ANHX: variants seen among roughly 807,000 people sequenced by gnomAD.
The protein encoded by ANHX is anomalous homeobox, also known as anomalous homeobox protein.
A neutral mutation model predicts 38.9 loss-of-function variants in ANHX; 20 were observed. The ratio of observed to expected loss-of-function variants is 0.51; its 90% CI spans 0.36 to 0.75. The LOEUF (loss-of-function observed/expected upper bound fraction) is 0.75. Among genes scored for constraint, ANHX ranks in the 30% least tolerant of loss-of-function variants. The probability of loss-of-function intolerance (pLI) is 0.00; values close to 1 mark genes in which losing one functional copy is unlikely to be tolerated. For missense variants in ANHX, 475 were observed against 493.1 expected (o/e 0.96, Z 0.35); for synonymous variants, 185 against 203.1 (o/e 0.91, Z 0.76).
rs1372920322 is a variant in ANHX at position 133,221,942 on chromosome 12, GC to G, written c.1133-591del. ...GGCCTGAAAAGGCAGGTTTTTTCCT[GC>G]CCTGAGTCTACTAGGCTGTAAAACA... is the stretch of plus-strand genomic sequence containing the variant. On this transcript the variant is annotated intron_variant, in intron 7 of 9. Coordinates refer to ENST00000545940, the MANE Select transcript of ANHX (RefSeq NM_001372060.1). The surrounding 1 kb of genome is among the most constrained non-coding windows in gnomAD (Gnocchi z 4.1). Among the ~76,000 whole-genome samples the G allele has an allele frequency of 6.6e-6, 1 of 152,094 alleles. No homozygotes were observed. Among genetic ancestry groups the G allele is most frequent in the East Asian group, 1.9e-4 (1 of 5,172 alleles).
At chr12:133,224,865 G>C (rs1483414894) in intron 7 of ANHX, among the ~76,000 whole-genome samples, 1 of 150,756 alleles carries the variant, frequency 6.6e-6, no homozygotes, top group African/African-American at 2.4e-5. Flanking sequence ...TACTCGGGAG[G>C]CTGAGGCAGG....
chr12:133,220,389 C>CA (rs1164493256), intron 8 of ANHX, among the ~76,000 whole-genome samples: 2 of 152,190 alleles, frequency 1.3e-5, no homozygotes, highest in Non-Finnish European at 2.9e-5. Context: ...CAGCCTCTGC[C>CA]TGGTCTCAGC....
intron 9 of ANHX, 112 bp downstream of exon 9, chr12:133,219,171 T>C: frequency 9.0e-7 from 1 of 1,114,502 alleles, no homozygotes; most frequent in Non-Finnish European, 1.3e-6. Context: ...CCCTTGTTTA[T>C]CTTTGCCTGG....
chr12:133,231,553 G>T lies in ANHX; in HGVS notation c.341C>A (p.Ala114Glu). 9.1e-6 allele frequency: 14 copies of T among 1,536,074 alleles called. No individual in the cohort carries two copies. Among genetic ancestry groups the T allele is most frequent in the Non-Finnish European group, 1.2e-5 (14 of 1,146,908 alleles). The change falls in exon 3 of 10, where the codon GCG becomes GAG. Residue 114 changes from alanine (A) to glutamate (E), a missense_variant. Coordinates refer to ENST00000545940, the MANE Select transcript of ANHX (RefSeq NM_001372060.1). ...GCGGAACTTCTGCACCGGGGTGAGC[G>T]CAGCCACGCCCAGCCTCCTCATGAC... ...RLVMRRLGVA[A>E]LTPVQKFRCR...
Position 133,219,431 on chromosome 12 carries a change from C to T in ANHX, c.1281-64G>A, listed in dbSNP as rs142568621. 1,377 of 1,137,714 alleles carry T rather than the reference C, an allele frequency of 1.2e-3. 10 individuals are homozygous for T. The African/African-American group carries it at 0.018, about 15-fold the overall frequency. 70.5% of individuals were successfully genotyped at this position (1,137,714 alleles called of 1,614,324 possible). On this transcript the variant is annotated intron_variant, in intron 8 of 9. Coordinates refer to ENST00000545940, the MANE Select transcript of ANHX (RefSeq NM_001372060.1). ...GGGGACACTGGGGTGACAAAATCCA[C>T]CCAGCTGTGCTTTCTCCCTCATCAG...
At chr12:133,222,757 T>C (rs1199901166) in intron 7 of ANHX, among the ~76,000 whole-genome samples, 1 of 152,186 alleles carries the variant, frequency 6.6e-6, no homozygotes, top group African/African-American at 2.4e-5. Flanking sequence ...CAGTCCTGAC[T>C]TCAGACAGTG....
At position 133,226,743 on chromosome 12, in the gene ANHX, G is replaced by A. The variant is rs148351812; in HGVS notation, c.718+193C>T. 7.3e-3 allele frequency among the ~76,000 whole-genome samples: 1,114 copies of A among 152,264 alleles called. 9 individuals carry two copies. Among genetic ancestry groups the A allele is most frequent in the South Asian group, 0.018 (86 of 4,822 alleles). On this transcript the variant is annotated intron_variant, in intron 5 of 9. Coordinates refer to ENST00000545940, the MANE Select transcript of ANHX (RefSeq NM_001372060.1). ...ACACAGTGACCTCAAAATGCATAGG[G>A]GCAGCCACAGCCCAGCCTGGGCATC...
chr12:133,227,961 G>A lies in ANHX; in HGVS notation c.378-14C>T, dbSNP rs1336903157. The A allele has an allele frequency of 2.0e-6, 3 of 1,534,742 alleles. No individual in the cohort carries two copies. The African/African-American group carries it at 4.1e-5, about 21-fold the overall frequency. ...GGCGGGGGGTTCCTGGGTAAGGACAGTGAGGAGGTGGTAACAGACAGGACC... is the reference window on the plus strand; with the variant it reads ...GGCGGGGGGTTCCTGGGTAAGGACAATGAGGAGGTGGTAACAGACAGGACC... On this transcript the variant is annotated splice_polypyrimidine_tract_variant and intron_variant, in intron 3 of 9. Transcript: ENST00000545940.
intron 7 of ANHX, among the ~76,000 whole-genome samples, chr12:133,222,817 A>G (rs1284020837): frequency 6.6e-6 from 1 of 152,204 alleles, no homozygotes; most frequent in East Asian, 1.9e-4. Context: ...AGTGTAAGAT[A>G]TTGCATCCAT....
intron 4 of ANHX, 67 bp from the exon 5 acceptor site, chr12:133,227,219 G>C (rs1363964564): frequency 6.9e-7 from 1 of 1,457,116 alleles, no homozygotes; most frequent in African/African-American, 1.4e-5. Context: ...GTGCAGAAGT[G>C]GCTCAGACAG....
chr12:133,225,260 C>T (rs955426486), intron 7 of ANHX, among the ~76,000 whole-genome samples: 5 of 151,970 alleles, frequency 3.3e-5, no homozygotes, highest in African/African-American at 1.2e-4. Context: ...CAGTGGAGAG[C>T]ACAGGGTGGC....
intron 3 of ANHX, among the ~76,000 whole-genome samples, chr12:133,229,034 T>G (rs997352626): frequency 6.6e-6 from 1 of 152,204 alleles, no homozygotes; most frequent in Non-Finnish European, 1.5e-5. Flanking sequence ...GCTTCTGAAC[T>G]CTGCACTGCT....
At chr12:133,219,077 C>T (rs2135545147) in intron 9 of ANHX, 106 bp from the exon 10 acceptor site, 1 of 1,135,094 alleles carries the variant, frequency 8.8e-7, no homozygotes, top group Non-Finnish European at 1.2e-6. Context: ...CGCAACCAGT[C>T]TGGACTCAGG....
chr12:133,224,132 G>A (rs1474486341), intron 7 of ANHX, among the ~76,000 whole-genome samples: 1 of 152,162 alleles, frequency 6.6e-6, no homozygotes, highest in East Asian at 1.9e-4. Flanking sequence ...GAAGCAGCAT[G>A]GGAGCACTGG....
chr12:133,234,424 C>G lies in ANHX; in HGVS notation c.-22-46G>C, dbSNP rs907745664. On this transcript the variant is annotated intron_variant, in intron 1 of 9. Coordinates refer to ENST00000545940, the MANE Select transcript of ANHX (RefSeq NM_001372060.1). ...AAGAATGGCCACCACTGACCACGTC[C>G]TTTCTGTCAGTCAATCGCCCAACCC... 3.4e-6 allele frequency: 5 copies of G among 1,488,144 alleles called. No individual in the cohort carries two copies. The East Asian group carries it at 9.9e-5, about 30-fold the overall frequency. The allele number at this position is 1,488,144 out of a possible 1,614,324, so 92.2% of individuals were successfully genotyped here. A position where few individuals can be genotyped will look rare whatever the true frequency, so the allele number is the denominator to read the frequency against.
rs1047313382 is a variant in ANHX at position 133,218,645 on chromosome 12, C to A, written c.*240G>T. ...CAGTGCTGCGTGAGTGGGACAGACCCACCTTTGACTTCTGATCTCACGAAC... is the reference window on the plus strand; with the variant it reads ...CAGTGCTGCGTGAGTGGGACAGACCAACCTTTGACTTCTGATCTCACGAAC... On this transcript the variant is annotated 3_prime_UTR_variant, in exon 10 of 10. Coordinates refer to ENST00000545940, the MANE Select transcript of ANHX (RefSeq NM_001372060.1). 2.7e-6 allele frequency: 1 copy of A among 368,422 alleles called. No individual in the cohort carries two copies. The highest frequency in any genetic ancestry group is 4.9e-6 in the Non-Finnish European group (1 of 205,062). 22.8% of individuals were successfully genotyped at this position (368,422 alleles called of 1,614,324 possible). A position where few individuals can be genotyped will look rare whatever the true frequency, so the allele number is the denominator to read the frequency against.
chr12:133,232,655 C>A (rs1476404592), intron 2 of ANHX, among the ~76,000 whole-genome samples: 1 of 152,218 alleles, frequency 6.6e-6, no homozygotes, highest in African/African-American at 2.4e-5. Flanking sequence ...CCTCCTCAGA[C>A]GTACCTGTGG....
chr12:133,232,156 C>G (rs1957287538), intron 2 of ANHX, among the ~76,000 whole-genome samples: 1 of 152,212 alleles, frequency 6.6e-6, no homozygotes, highest in Non-Finnish European at 1.5e-5. Context: ...AGCAGCAGTG[C>G]TGGTCCCTCA....
At chr12:133,226,586 G>A in intron 5 of ANHX, 148 bp from the exon 6 acceptor site, 1 of 1,234,096 alleles carries the variant, frequency 8.1e-7, no homozygotes, top group South Asian at 1.6e-5. Context: ...TCTTTGGTGT[G>A]AACCAACAAT....
Sources: allele counts gnomAD v4.1 joint callset (sites outside exome capture counted in the v4.1 genomes callset), GRCh38; gene constraint gnomAD v4.1.1; non-coding constraint Gnocchi (gnomAD v3.1); transcripts MANE v1.5; gene names NCBI Gene and HGNC (gene_info 2026-07-23, HGNC 2026-07-21).